EYS: variants seen among roughly 807,000 people sequenced by gnomAD.
The protein encoded by EYS is protein eyes shut homolog.
In EYS, 250 loss-of-function variants were observed where a neutral mutation model predicts 282.1. The observed-to-expected ratio is 0.89, with a 90% CI of 0.80 to 0.98. The LOEUF (loss-of-function observed/expected upper bound fraction) is 0.98, where lower values mean the gene tolerates loss of function less well. Ranked by LOEUF, EYS falls within the 50% of genes least tolerant of loss-of-function variation. EYS has a pLI of 0.00. For synonymous variants in EYS, 1,355 were observed against 1,282.9 expected, an observed-to-expected ratio of 1.06 and a Z score of -1.20; for missense variants, 4,016 against 3,709.0, an observed-to-expected ratio of 1.08 and a Z score of -2.15.
At chr6:65,544,029 T>TGTGTGTGTGTGC (rs1768286558) in intron 2 of EYS, among the ~76,000 whole-genome samples, 1 of 131,940 alleles carries the variant, frequency 7.6e-6, no homozygotes, top group Non-Finnish European at 1.7e-5. Context: ...TGTGTGTGTG[T>TGTGTGTGTGTGC]GAGAGAGAGA....
At chr6:65,011,073 C>A (rs1398739980) in intron 13 of EYS, among the ~76,000 whole-genome samples, 1 of 152,176 alleles carries the variant, frequency 6.6e-6, no homozygotes, top group African/African-American at 2.4e-5. Flanking sequence ...CAATACTCAG[C>A]AGGAGAAGTA....
intron 26 of EYS, among the ~76,000 whole-genome samples, chr6:64,493,737 C>A (rs1776805580): frequency 6.6e-6 from 1 of 151,496 alleles, no homozygotes; most frequent in Admixed American, 6.6e-5. Flanking sequence ...CCTATCTTAA[C>A]TGAGTTAGTT....
At chr6:64,822,531 C>A in intron 20 of EYS, 120 bp downstream of exon 20, 2 of 827,122 alleles carry the variant, frequency 2.4e-6, no homozygotes, top group Non-Finnish European at 3.7e-6. Flanking sequence ...ATGTACTTAG[C>A]TCTTGTTTTA....
At chr6:63,727,725 A>ATATATATAT (rs1172717557) in intron 41 of EYS, among the ~76,000 whole-genome samples, 7 of 62,690 alleles carry the variant, frequency 1.1e-4, no homozygotes, top group South Asian at 5.1e-4. Context: ...AAAAAAAAAA[A>ATATATATAT]AAAAAAAAAA....
chr6:65,364,260 A>G (rs541497467), intron 8 of EYS, among the ~76,000 whole-genome samples: 8 of 145,884 alleles, frequency 5.5e-5, no homozygotes, highest in African/African-American at 1.2e-4. Context: ...TTTTTTTTCA[A>G]TTTTTTTTCA....
chr6:65,602,543 T>C (rs1050379670), intron 2 of EYS, among the ~76,000 whole-genome samples: 4 of 152,010 alleles, frequency 2.6e-5, no homozygotes, highest in Non-Finnish European at 5.9e-5. Flanking sequence ...AGCTTTGAAA[T>C]ATGCCAGACA....
At chr6:64,157,353 A>G (rs1038598399) in intron 31 of EYS, among the ~76,000 whole-genome samples, 4 of 152,104 alleles carry the variant, frequency 2.6e-5, no homozygotes, top group African/African-American at 9.7e-5. Flanking sequence ...AAGTTCAGAA[A>G]ATTATTGGCC....
chr6:64,668,958 A>G (rs1362920373), intron 22 of EYS, among the ~76,000 whole-genome samples: 1 of 151,982 alleles, frequency 6.6e-6, no homozygotes, highest in African/African-American at 2.4e-5. Context: ...TGTTTTGCCA[A>G]TTGTAGTTGG....
intron 6 of EYS, among the ~76,000 whole-genome samples, chr6:65,403,742 A>AATTAAAGT (rs1766607763): frequency 6.6e-6 from 1 of 152,020 alleles, no homozygotes; most frequent in African/African-American, 2.4e-5. Flanking sequence ...AGAAAAATAG[A>AATTAAAGT]ATTAAAGTAC....
intron 30 of EYS, among the ~76,000 whole-genome samples, chr6:64,255,260 T>TA (rs1386524137): frequency 6.6e-6 from 1 of 151,978 alleles, no homozygotes; most frequent in Non-Finnish European, 1.5e-5. Context: ...GCAAAAAACT[T>TA]AAACATCCAG....
intron 26 of EYS, among the ~76,000 whole-genome samples, chr6:64,457,762 T>C (rs1188138668): frequency 6.7e-6 from 1 of 148,600 alleles, no homozygotes; most frequent in Non-Finnish European, 1.5e-5. Context: ...AATGAGTCTC[T>C]TGTAGGCAGC....
At chr6:63,973,422 G>T (rs1229324041) in intron 35 of EYS, among the ~76,000 whole-genome samples, 1 of 152,030 alleles carries the variant, frequency 6.6e-6, no homozygotes, top group Non-Finnish European at 1.5e-5. Flanking sequence ...TATTATTTGT[G>T]ATGAAACAAA....
At chr6:64,021,661 T>C (rs1038667381) in intron 33 of EYS, among the ~76,000 whole-genome samples, 8 of 152,182 alleles carry the variant, frequency 5.3e-5, no homozygotes, top group African/African-American at 1.7e-4. Flanking sequence ...CATTTTTCTA[T>C]TTGTAGGGAA....
chr6:65,306,037 A>G (rs577950574), intron 11 of EYS, among the ~76,000 whole-genome samples: 220 of 152,326 alleles, frequency 1.4e-3, no homozygotes, highest in Non-Finnish European at 2.7e-3. Flanking sequence ...TTTCCTTCAT[A>G]TCACCTCAAG....
intron 40 of EYS, 113 bp downstream of exon 40, chr6:63,777,893 T>C: frequency 1.9e-6 from 2 of 1,035,848 alleles, no homozygotes; most frequent in Non-Finnish European, 2.9e-6. Context: ...AAGAACATTT[T>C]AAATATGTGC....
intron 29 of EYS, among the ~76,000 whole-genome samples, chr6:64,373,318 C>T (rs967962882): frequency 6.6e-6 from 1 of 152,128 alleles, no homozygotes; most frequent in Non-Finnish European, 1.5e-5. Context: ...TAGTCCACTC[C>T]TGGGTCTTGG....
In EYS at chr6:64,707,106, TAC is replaced by T. The variant is rs541099764; in HGVS notation, c.3444-80863_3444-80862del. ...AAAGAAATTGTGAGATATATATGCATACACACACACACACACACACACACATA... is the reference window on the plus strand; with the variant it reads ...AAAGAAATTGTGAGATATATATGCATACACACACACACACACACACACATA... On this transcript the variant is annotated intron_variant, in intron 22 of 42. Coordinates refer to ENST00000503581, the MANE Select transcript of EYS (RefSeq NM_001142800.2). Among the ~76,000 whole-genome samples, 83 of 112,668 alleles carry T rather than the reference TAC, an allele frequency of 7.4e-4. 2 individuals carry two copies. The highest frequency in any genetic ancestry group is 2.6e-3 in the East Asian group (12 of 4,618). 73.9% of individuals were successfully genotyped at this position (112,668 alleles called of 152,430 possible).
chr6:65,462,782 C>A (rs1161005972), intron 5 of EYS, among the ~76,000 whole-genome samples: 1 of 151,954 alleles, frequency 6.6e-6, no homozygotes, highest in Non-Finnish European at 1.5e-5. Context: ...ATATGGCTTA[C>A]ATTTTAAATA....
chr6:64,109,438 T>C (rs1773135049), intron 31 of EYS, among the ~76,000 whole-genome samples: 1 of 152,066 alleles, frequency 6.6e-6, no homozygotes, highest in Non-Finnish European at 1.5e-5. Flanking sequence ...TATATTTCTA[T>C]GTAATATAAA....
Sources: gnomAD v4.1 joint callset for allele counts (sites outside exome capture counted in the v4.1 genomes callset) on GRCh38, gnomAD v4.1.1 for gene constraint, MANE v1.5 for transcripts, NCBI Gene and HGNC (gene_info 2026-07-23, HGNC 2026-07-21) for gene names.